Variants in ATP8A2 observed in about 807,000 individuals in gnomAD.
ATP8A2 encodes phospholipid-transporting ATPase IB.
A neutral mutation model predicts 165.6 loss-of-function variants in ATP8A2; 100 were observed. The observed-to-expected ratio is 0.60, with a 90% CI of 0.51 to 0.71. ATP8A2 has a LOEUF of 0.71. Ranked by LOEUF, ATP8A2 falls within the 30% of genes least tolerant of loss-of-function variation. ATP8A2 has a pLI of 0.00. For missense variants in ATP8A2, 1,227 were observed against 1,479.5 expected (o/e 0.83, Z 2.80); for synonymous variants, 543 against 548.8 (o/e 0.99, Z 0.15).
chr13:25,738,346 C>T (rs961638356), intron 25 of ATP8A2, among the ~76,000 whole-genome samples: 3 of 131,548 alleles, frequency 2.3e-5, no homozygotes, highest in Non-Finnish European at 5.2e-5. Context: ...CCCCTCCCCC[C>T]CCCCCACACA....
chr13:25,891,959 G>T (rs1387362319), intron 33 of ATP8A2, among the ~76,000 whole-genome samples: 2 of 151,862 alleles, frequency 1.3e-5, no homozygotes, highest in Non-Finnish European at 2.9e-5. Flanking sequence ...CTTTTAAAAA[G>T]ATGGAGATGT....
At chr13:25,786,740 A>G (rs1017606064) in intron 27 of ATP8A2, among the ~76,000 whole-genome samples, 2 of 148,146 alleles carry the variant, frequency 1.4e-5, no homozygotes, top group Admixed American at 6.9e-5. Context: ...ACCCTTTTTA[A>G]TGCACAATTC....
chr13:25,998,512 C>G (rs1956563816), intron 35 of ATP8A2, among the ~76,000 whole-genome samples: 1 of 152,116 alleles, frequency 6.6e-6, no homozygotes, highest in African/African-American at 2.4e-5. Context: ...CTAGGCTGCC[C>G]CTTTCCTGTT....
At chr13:25,416,980 C>T (rs2034149654) in intron 1 of ATP8A2, among the ~76,000 whole-genome samples, 1 of 151,086 alleles carries the variant, frequency 6.6e-6, no homozygotes, top group South Asian at 2.1e-4. Context: ...CAGTCTTGAG[C>T]ACTTTTGCTG....
intron 1 of ATP8A2, among the ~76,000 whole-genome samples, chr13:25,374,254 A>G (rs1297641106): frequency 6.6e-6 from 1 of 152,204 alleles, no homozygotes; most frequent in Non-Finnish European, 1.5e-5. Flanking sequence ...TGAGCTCAAT[A>G]AAGATGAGGC....
intron 24 of ATP8A2, among the ~76,000 whole-genome samples, chr13:25,622,478 C>T (rs999704865): frequency 3.3e-5 from 5 of 152,096 alleles, no homozygotes; most frequent in Non-Finnish European, 7.4e-5. Context: ...TCATTCTGTC[C>T]TCTCTCCTCT....
At chr13:25,698,802 A>G (rs967214476) in intron 24 of ATP8A2, among the ~76,000 whole-genome samples, 4 of 152,212 alleles carry the variant, frequency 2.6e-5, no homozygotes, top group Non-Finnish European at 5.9e-5. Flanking sequence ...TTTAAAGATT[A>G]TCTTATGCAA....
intron 33 of ATP8A2, among the ~76,000 whole-genome samples, chr13:25,882,693 A>G (rs2138858182): frequency 6.6e-6 from 1 of 152,264 alleles, no homozygotes; most frequent in African/African-American, 2.4e-5. Context: ...TGCTCACTTA[A>G]CCATTGGAAG....
intron 1 of ATP8A2, among the ~76,000 whole-genome samples, chr13:25,384,130 G>T (rs2032954043): frequency 6.6e-6 from 1 of 152,058 alleles, no homozygotes; most frequent in Admixed American, 6.6e-5. Context: ...CTTTTTCTCT[G>T]GCACCCTGCT....
chr13:25,837,531 G>T (rs1951648583), intron 29 of ATP8A2, among the ~76,000 whole-genome samples: 1 of 151,384 alleles, frequency 6.6e-6, no homozygotes, highest in African/African-American at 2.4e-5. Flanking sequence ...TGTGTGGGCT[G>T]CAACCTCCAG....
intron 33 of ATP8A2, among the ~76,000 whole-genome samples, chr13:25,958,911 T>C (rs1955594498): frequency 1.3e-5 from 2 of 152,252 alleles, no homozygotes; most frequent in Admixed American, 1.3e-4. Context: ...CTGTTTCTTA[T>C]TGATACATAA....
chr13:25,574,943 G>C, intron 19 of ATP8A2, 86 bp downstream of exon 19: 1 of 703,490 alleles, frequency 1.4e-6, no homozygotes, highest in Non-Finnish European at 2.4e-6. Context: ...TGTATGGTAT[G>C]ATTCAATATA....
chr13:25,963,677 T>C (rs1955714336), intron 34 of ATP8A2, among the ~76,000 whole-genome samples: 1 of 152,222 alleles, frequency 6.6e-6, no homozygotes, highest in African/African-American at 2.4e-5. Flanking sequence ...ACAATTCTAT[T>C]GAGACTGTAT....
At chr13:25,775,942 A>G (rs1175665686) in intron 27 of ATP8A2, among the ~76,000 whole-genome samples, 1 of 152,176 alleles carries the variant, frequency 6.6e-6, no homozygotes, top group East Asian at 1.9e-4. Context: ...CCGGTTGTCT[A>G]ATCTTTCCTA....
chr13:25,892,476 C>T (rs1251184902), intron 33 of ATP8A2, among the ~76,000 whole-genome samples: 1 of 147,752 alleles, frequency 6.8e-6, no homozygotes, highest in Non-Finnish European at 1.5e-5. Context: ...CTCTGTCTCT[C>T]TGTCTCTCTC....
chr13:25,775,051 C>A, intron 27 of ATP8A2, 92 bp downstream of exon 27: 1 of 728,692 alleles, frequency 1.4e-6, no homozygotes, highest in Non-Finnish European at 2.3e-6. Context: ...GGATTTTGTT[C>A]ATGTAAAATT....
chr13:25,962,559 C>G (rs1955681655), intron 34 of ATP8A2, among the ~76,000 whole-genome samples: 1 of 152,176 alleles, frequency 6.6e-6, no homozygotes, highest in African/African-American at 2.4e-5. Flanking sequence ...GAGGGCTGCT[C>G]CAAGTAAAAT....
At chr13:25,948,095 G>C (rs759839163) in intron 33 of ATP8A2, among the ~76,000 whole-genome samples, 1 of 152,122 alleles carries the variant, frequency 6.6e-6, no homozygotes, top group Non-Finnish European at 1.5e-5. Flanking sequence ...AACACTTACT[G>C]TCTGTCACCA....
intron 35 of ATP8A2, among the ~76,000 whole-genome samples, chr13:25,976,866 G>A (rs948027145): frequency 3.3e-5 from 5 of 152,140 alleles, no homozygotes; most frequent in African/African-American, 9.7e-5. Flanking sequence ...TCAGCTCGCT[G>A]CAACCTCTGC....
Sources: gnomAD v4.1 joint callset for allele counts (sites outside exome capture counted in the v4.1 genomes callset) on GRCh38, gnomAD v4.1.1 for gene constraint, MANE v1.5 for transcripts, NCBI Gene and HGNC (gene_info 2026-07-23, HGNC 2026-07-21) for gene names.